Variants in ANKS1A observed in about 807,000 individuals in gnomAD.
The protein encoded by ANKS1A is ankyrin repeat and sterile alpha motif domain containing 1A, also known as ankyrin repeat and SAM domain-containing protein 1A.
In ANKS1A, 55 loss-of-function variants were observed where a neutral mutation model predicts 120.3. The ratio of observed to expected loss-of-function variants is 0.46; its 90% CI spans 0.37 to 0.57. ANKS1A has a LOEUF of 0.57. ANKS1A is among the 20% of genes least tolerant of loss of function. The probability of loss-of-function intolerance (pLI) is 0.00; values close to 1 mark genes in which losing one functional copy is unlikely to be tolerated. For synonymous variants in ANKS1A, 590 were observed against 604.7 expected (o/e 0.98, Z 0.36); for missense variants, 1,123 against 1,480.3 (o/e 0.76, Z 3.96).
At chr6:35,011,244 G>A (rs1004153007) in intron 10 of ANKS1A, among the ~76,000 whole-genome samples, 8 of 152,128 alleles carry the variant, frequency 5.3e-5, no homozygotes, top group African/African-American at 1.9e-4. Context: ...TATTTAAAAG[G>A]GCTCAACATT....
At chr6:35,072,367 C>T (rs1298289991) in intron 13 of ANKS1A, among the ~76,000 whole-genome samples, 1 of 152,240 alleles carries the variant, frequency 6.6e-6, no homozygotes, top group Non-Finnish European at 1.5e-5. Context: ...CAGATACTCG[C>T]AGGAAGGAGA....
At chr6:34,987,470 G>A (rs1772271338) in intron 8 of ANKS1A, among the ~76,000 whole-genome samples, 1 of 152,166 alleles carries the variant, frequency 6.6e-6, no homozygotes, top group East Asian at 1.9e-4. Context: ...ATACAGGCCT[G>A]CTCCTTTTGC....
chr6:35,025,463 C>T (rs901622273), intron 11 of ANKS1A, among the ~76,000 whole-genome samples: 5 of 152,068 alleles, frequency 3.3e-5, no homozygotes, highest in African/African-American at 1.2e-4. Flanking sequence ...TGGTCCCTTG[C>T]TGCCATCACG....
intron 1 of ANKS1A, among the ~76,000 whole-genome samples, chr6:34,956,142 T>G (rs1770349614): frequency 6.6e-6 from 1 of 151,712 alleles, no homozygotes; most frequent in African/African-American, 2.4e-5. Context: ...TCTGAGAAGT[T>G]TATTCTACTT....
At chr6:35,039,122 G>GT (rs1173391852) in intron 11 of ANKS1A, among the ~76,000 whole-genome samples, 7 of 147,882 alleles carry the variant, frequency 4.7e-5, no homozygotes, top group Admixed American at 1.4e-4. Context: ...TTTATCATGT[G>GT]TAAGTTCATG....
intron 1 of ANKS1A, among the ~76,000 whole-genome samples, chr6:34,931,008 G>T (rs1314320365): frequency 6.7e-6 from 1 of 150,046 alleles, no homozygotes; most frequent in African/African-American, 2.5e-5. Context: ...TCCTGAGTAG[G>T]TGGGATTACA....
chr6:35,025,892 GTCCCCCAC>G (rs1445775644), intron 11 of ANKS1A, among the ~76,000 whole-genome samples: 1 of 152,050 alleles, frequency 6.6e-6, no homozygotes, highest in Admixed American at 6.6e-5. Flanking sequence ...GCCAGCCCCA[GTCCCCCAC>G]TAAACAGCCT....
chr6:34,915,827 CTA>C (rs1561845395), intron 1 of ANKS1A, among the ~76,000 whole-genome samples: 3 of 152,022 alleles, frequency 2.0e-5, no homozygotes, highest in Admixed American at 6.6e-5. Context: ...CTGAGCCACT[CTA>C]TTTTGTTTGG....
intron 10 of ANKS1A, among the ~76,000 whole-genome samples, chr6:35,016,935 CTTTTTTTTTTTT>C (rs558659921): frequency 6.9e-5 from 6 of 87,384 alleles, no homozygotes; most frequent in Non-Finnish European, 1.2e-4. Context: ...ATCATGACCT[CTTTTTTTTTTTT>C]TTTTTTTTTT....
intron 1 of ANKS1A, among the ~76,000 whole-genome samples, chr6:34,929,222 C>G (rs192743911): frequency 8.4e-4 from 128 of 152,196 alleles, no homozygotes; most frequent in Non-Finnish European, 8.8e-5. Flanking sequence ...GCTTTCAATA[C>G]TTTTTTTGTA....
intron 10 of ANKS1A, among the ~76,000 whole-genome samples, chr6:35,008,307 G>A (rs1037533332): frequency 6.6e-6 from 1 of 152,108 alleles, no homozygotes; most frequent in Non-Finnish European, 1.5e-5. Flanking sequence ...TCAAGCTCCT[G>A]GGCTCAAGCA....
At chr6:35,034,297 A>G (rs935768337) in intron 11 of ANKS1A, among the ~76,000 whole-genome samples, 13 of 152,128 alleles carry the variant, frequency 8.5e-5, no homozygotes, top group Admixed American at 4.6e-4. Flanking sequence ...TTTTTCTTGA[A>G]TGTTTGTTCT....
At position 35,082,405 on chromosome 6, in the gene ANKS1A, G is replaced by A. The variant is rs1308175660; in HGVS notation, c.2710-286G>A. Among the ~76,000 whole-genome samples, 1 of 151,992 alleles carries A rather than the reference G, an allele frequency of 6.6e-6. No homozygotes were observed. The highest frequency in any genetic ancestry group is 1.5e-5 in the Non-Finnish European group (1 of 68,000). On this transcript the variant is annotated intron_variant, in intron 17 of 23. Transcript: ENST00000360359. The surrounding 1 kb of genome is among the most constrained non-coding windows in gnomAD (Gnocchi z 4.1). ...CACAGACTCTGCCATCTCCTCTCTG[G>A]TCATTTCCCATCTCCTTTGAGACTC...
intron 1 of ANKS1A, among the ~76,000 whole-genome samples, chr6:34,951,402 A>C (rs541035234): frequency 6.6e-6 from 1 of 152,182 alleles, no homozygotes; most frequent in African/African-American, 2.4e-5. Flanking sequence ...TCCATTTTAC[A>C]TAGAGGTTAC....
downstream of ANKS1A, chr6:35,091,514 A>G (rs1029309445): frequency 2.5e-6 from 2 of 791,574 alleles, no homozygotes; most frequent in Non-Finnish European, 3.1e-6. Context: ...CGCATCCTAC[A>G]CCGTTTGGCT....
chr6:34,992,515 C>G (rs77976427), intron 9 of ANKS1A, among the ~76,000 whole-genome samples: 6,841 of 152,270 alleles, frequency 0.045, 279 homozygotes, highest in African/African-American at 0.11. Context: ...GTGTGCGGAA[C>G]ACTCACTGAA....
chr6:35,000,209 C>T (rs999118328), intron 10 of ANKS1A, among the ~76,000 whole-genome samples: 2 of 151,618 alleles, frequency 1.3e-5, no homozygotes, highest in African/African-American at 4.9e-5. Flanking sequence ...CCGCAGATGG[C>T]CCAGATGCAT....
At chr6:34,964,089 G>A (rs770095898) in intron 1 of ANKS1A, among the ~76,000 whole-genome samples, 2 of 151,908 alleles carry the variant, frequency 1.3e-5, no homozygotes, top group African/African-American at 2.4e-5. Context: ...CTGTGCTGGC[G>A]GTTTCCTTTG....
At chr6:34,993,759 G>C (rs1453148745) in intron 9 of ANKS1A, among the ~76,000 whole-genome samples, 1 of 152,162 alleles carries the variant, frequency 6.6e-6, no homozygotes, top group Non-Finnish European at 1.5e-5. Flanking sequence ...CCAGTCTTTG[G>C]ATAGTATATG....
Sources: gnomAD v4.1 joint callset for allele counts (sites outside exome capture counted in the v4.1 genomes callset) on GRCh38, gnomAD v4.1.1 for gene constraint, Gnocchi (gnomAD v3.1) non-coding constraint, MANE v1.5 for transcripts, NCBI Gene and HGNC (gene_info 2026-07-23, HGNC 2026-07-21) for gene names.